The following KANSL2 variants were observed in gnomAD, a reference collection of about 807,000 sequenced individuals.
KANSL2 encodes the protein KAT8 regulatory NSL complex subunit 2.
A neutral mutation model predicts 55.6 loss-of-function variants in KANSL2; 34 were observed. The observed-to-expected ratio is 0.61, with a 90% CI of 0.46 to 0.81. The LOEUF (loss-of-function observed/expected upper bound fraction) is 0.81. Among genes scored for constraint, KANSL2 ranks in the 40% least tolerant of loss-of-function variants. KANSL2 has a pLI of 0.00. For missense variants in KANSL2, 502 were observed against 609.9 expected (o/e 0.82, Z 1.86); for synonymous variants, 209 against 214.3 (o/e 0.98, Z 0.22).
At chr12:48,664,990 C>T (rs1939567403) in intron 7 of KANSL2, among the ~76,000 whole-genome samples, 1 of 148,902 alleles carries the variant, frequency 6.7e-6, no homozygotes, top group African/African-American at 2.5e-5. Context: ...TCAAAAAATC[C>T]TCCCAGGTAG....
intron 8 of KANSL2, among the ~76,000 whole-genome samples, chr12:48,656,186 A>G (rs1424906903): frequency 6.6e-6 from 1 of 152,202 alleles, no homozygotes; most frequent in Non-Finnish European, 1.5e-5. Context: ...GAAGGACAAC[A>G]GAAAACTCAC....
rs2137170976 is a variant in KANSL2 at position 48,654,093 on chromosome 12, C to T, written c.1430G>A (p.Ser477Asn). Residue 477 changes from serine to asparagine, a missense_variant, in exon 10 of 10, where the codon AGT becomes AAT. By Grantham distance (46) the Ser-to-Asn change is conservative (BLOSUM62 1). Coordinates refer to ENST00000420613, the MANE Select transcript of KANSL2 (RefSeq NM_017822.4). ...SEKASAPLSQ[S>N]GLATANGKPE... Reference sequence around the variant, plus strand: ...CTTCCCATTTGCAGTAGCCAATCCACTCTGAGACAATGGTGCAGAGGCTTT... The same window carrying T: ...CTTCCCATTTGCAGTAGCCAATCCATTCTGAGACAATGGTGCAGAGGCTTT... 1 of 1,612,812 alleles carries T rather than the reference C, an allele frequency of 6.2e-7. No individual in the cohort carries two copies. Among genetic ancestry groups the T allele is most frequent in the Non-Finnish European group, 8.5e-7 (1 of 1,179,400 alleles).
chr12:48,664,203 C>G (rs897802129), intron 7 of KANSL2, among the ~76,000 whole-genome samples: 9 of 151,994 alleles, frequency 5.9e-5, no homozygotes, highest in African/African-American at 2.2e-4. Context: ...GTGAGAGCCA[C>G]TTTGCCCGGC....
chr12:48,669,164 A>G lies in KANSL2; in HGVS notation c.818T>C (p.Leu273Ser), dbSNP rs1180995130. Reference protein sequence around the residue: ...RYRQRYGVEALLHRQLKERRM... With the variant: ...RYRQRYGVEASLHRQLKERRM... Reference sequence around the variant, plus strand: ...CCGTTCCTTCAACTGCCTATGCAGTAAGGCTTCCACTCCATAGCGCTGGCG... The same window carrying G: ...CCGTTCCTTCAACTGCCTATGCAGTGAGGCTTCCACTCCATAGCGCTGGCG... Residue 273 changes from leucine to serine, a missense_variant, in exon 6 of 10, where the codon TTA (leucine) becomes TCA (serine). Physicochemically the swap from Leu to Ser is moderately radical, Grantham distance 145 (BLOSUM62 -2). Coordinates refer to ENST00000420613, the MANE Select transcript of KANSL2 (RefSeq NM_017822.4). 6.4e-7 allele frequency: 1 copy of G among 1,552,002 alleles called. No homozygotes were observed. The highest frequency in any genetic ancestry group is 8.7e-7 in the Non-Finnish European group (1 of 1,147,060).
intron 7 of KANSL2, among the ~76,000 whole-genome samples, chr12:48,665,805 T>C (rs941894203): frequency 1.6e-4 from 24 of 152,124 alleles, no homozygotes; most frequent in African/African-American, 5.8e-4. Flanking sequence ...AAAGGCAAAT[T>C]AATTGAAAAG....
chr12:48,665,339 C>CA (rs1478583918), intron 7 of KANSL2, among the ~76,000 whole-genome samples: 1 of 152,054 alleles, frequency 6.6e-6, no homozygotes, highest in East Asian at 1.9e-4. Context: ...CCAAGGCAGG[C>CA]AGATCACAAG....
intron 7 of KANSL2, chr12:48,661,148 A>C (rs1728704420): frequency 1.7e-6 from 1 of 595,954 alleles, no homozygotes; most frequent in African/African-American, 2.0e-5. Flanking sequence ...GAGCTCTAGT[A>C]AAAGTCACTA....
chr12:48,666,400 A>T (rs775496330), intron 7 of KANSL2, among the ~76,000 whole-genome samples: 7 of 151,982 alleles, frequency 4.6e-5, no homozygotes, highest in South Asian at 2.1e-4. Context: ...AAAATAAAAA[A>T]AAAAAAAATA....
chr12:48,662,135 C>T (rs1265723376), intron 7 of KANSL2, among the ~76,000 whole-genome samples: 2 of 152,196 alleles, frequency 1.3e-5, no homozygotes, highest in African/African-American at 2.4e-5. Context: ...CACGAAGTCT[C>T]GCTCTGTCAC....
intron 8 of KANSL2, among the ~76,000 whole-genome samples, chr12:48,659,924 T>C (rs1011213385): frequency 6.6e-6 from 1 of 152,178 alleles, no homozygotes; most frequent in Non-Finnish European, 1.5e-5. Context: ...TACATTGATA[T>C]GAAATGTCCA....
chr12:48,662,485 T>G (rs769865503), intron 7 of KANSL2: 2 of 1,150,524 alleles, frequency 1.7e-6, no homozygotes, highest in African/African-American at 1.7e-5. Context: ...AAAAAAGGAC[T>G]CCCCCCATCA....
intron 3 of KANSL2, 62 bp from the exon 4 acceptor site, chr12:48,679,212 A>C (rs1199610308): frequency 9.3e-7 from 1 of 1,079,320 alleles, no homozygotes; most frequent in African/African-American, 1.5e-5. Flanking sequence ...CACCACACAA[A>C]ACTAGATTAC....
intron 2 of KANSL2, 144 bp downstream of exon 2, chr12:48,681,238 G>A: frequency 1.2e-6 from 1 of 867,466 alleles, no homozygotes; most frequent in Non-Finnish European, 1.7e-6. Context: ...AGTCTTCACC[G>A]TTTTTTCAGT....
chr12:48,681,560 G>T lies in KANSL2; in HGVS notation c.73C>A (p.Pro25Thr), dbSNP rs746578917. Residue 25 changes from proline (P) to threonine (T), a missense_variant, in exon 2 of 10, where the codon CCT (proline) becomes ACT (threonine). Coordinates refer to ENST00000420613, the MANE Select transcript of KANSL2 (RefSeq NM_017822.4). Reference sequence around the variant, plus strand: ...CGATGAGTGAATGCACAAGACAGAGGTTCCTGAGACCTGGGCACTGGAGTG... The same window carrying T: ...CGATGAGTGAATGCACAAGACAGAGTTTCCTGAGACCTGGGCACTGGAGTG... Reference protein sequence around the residue: ...RITPVPRSQEPLSCAFTHRPC... With the variant: ...RITPVPRSQETLSCAFTHRPC... 2 of 1,614,004 alleles carry T rather than the reference G, an allele frequency of 1.2e-6. No homozygotes were observed. The highest frequency in any genetic ancestry group is 1.7e-6 in the Non-Finnish European group (2 of 1,179,896).
Position 48,653,258 on chromosome 12 carries a change from C to G in KANSL2, c.*786G>C, listed in dbSNP as rs918846811. 3 of 152,442 alleles carry G rather than the reference C, an allele frequency of 2.0e-5. No individual in the cohort carries two copies. The South Asian group carries it at 6.2e-4, about 32-fold the overall frequency. 9.4% of individuals were successfully genotyped at this position (152,442 alleles called of 1,614,324 possible). ...AAGTCCTGCCCCTTTTCATTTACTT[C>G]TTCCTTCAAAGCAAAACCAAAATGA... On this transcript the variant is annotated 3_prime_UTR_variant, in exon 10 of 10. Transcript: ENST00000420613.
rs1254478119 is a variant in KANSL2, at chr12:48,653,554, G to C, written c.*490C>G. 1 of 152,978 alleles carries C rather than the reference G, an allele frequency of 6.5e-6. No individual in the cohort carries two copies. The highest frequency in any genetic ancestry group is 6.5e-5 in the Admixed American group (1 of 15,290). 9.5% of individuals were successfully genotyped at this position (152,978 alleles called of 1,614,324 possible). A position where few individuals can be genotyped will look rare whatever the true frequency, so the allele number is the denominator to read the frequency against. ...AAGCAAGACGGATAAGGAGGACCCAGTCCTGTGGGCTGTTTTCTCAGAGGA... is the reference window on the plus strand; with the variant it reads ...AAGCAAGACGGATAAGGAGGACCCACTCCTGTGGGCTGTTTTCTCAGAGGA... On this transcript the variant is annotated 3_prime_UTR_variant, in exon 10 of 10. Coordinates refer to ENST00000420613, the MANE Select transcript of KANSL2 (RefSeq NM_017822.4).
chr12:48,654,287 A>C, intron 9 of KANSL2, 112 bp from the exon 10 acceptor site: 2 of 1,120,140 alleles, frequency 1.8e-6, no homozygotes, highest in Admixed American at 1.8e-5. Flanking sequence ...ATACAACAGA[A>C]ATTAATTCTG....
chr12:48,660,591 G>A lies in KANSL2; in HGVS notation c.1002C>T (p.Leu334=), dbSNP rs1391998823. ...THICQDTNQV[L]FKCCQGSEEV... is the part of the protein sequence containing the mutation. ...CTTCAGATCCCTGGCAGCACTTGAA[G>A]AGAACCTGATTCGTATCCTGACAAA... Residue 334 remains leucine (L), a synonymous_variant, in exon 8 of 10, where the codon CTC becomes CTT. Transcript: ENST00000420613. 1.2e-6 allele frequency: 2 copies of A among 1,613,310 alleles called. No individual in the cohort carries two copies. Among genetic ancestry groups the A allele is most frequent in the East Asian group, 4.5e-5 (2 of 44,882 alleles).
In KANSL2 at chr12:48,682,221, C is replaced by T. The variant is rs79724400; in HGVS notation, c.-44G>A. 2,826 of 643,588 alleles carry T rather than the reference C, an allele frequency of 4.4e-3. 58 individuals are homozygous for T. In the African/African-American group the frequency reaches 0.046, roughly 10 times the overall value. The allele number at this position is 643,588 out of a possible 1,614,324, so 39.9% of individuals were successfully genotyped here. A position where few individuals can be genotyped will look rare whatever the true frequency, so the allele number is the denominator to read the frequency against. ...TGCGCTGCGCCGCACTCTGCCGCGC[C>T]GCTCGCCCTTCTCTAGTGGCGCCAG... On this transcript the variant is annotated 5_prime_UTR_variant, in exon 1 of 10. Transcript: ENST00000420613.
Sources: gnomAD v4.1 joint callset for allele counts (sites outside exome capture counted in the v4.1 genomes callset) on GRCh38, gnomAD v4.1.1 for gene constraint, MANE v1.5 for transcripts, NCBI Gene and HGNC (gene_info 2026-07-23, HGNC 2026-07-21) for gene names.